ACTA2: variants seen among roughly 807,000 people sequenced by gnomAD.
ACTA2 encodes actin alpha 2, smooth muscle.
Under a neutral mutation model 39.5 loss-of-function variants are expected in ACTA2, and 12 were observed. That is an observed-to-expected ratio of 0.30 (90% CI 0.19 to 0.49). ACTA2 has a LOEUF of 0.49. Ranked by LOEUF, ACTA2 falls within the 20% of genes least tolerant of loss-of-function variation. The probability of loss-of-function intolerance (pLI) is 0.99; values close to 1 mark genes in which losing one functional copy is unlikely to be tolerated. For missense variants in ACTA2, 236 were observed against 498.8 expected, an observed-to-expected ratio of 0.47 and a Z score of 5.02; for synonymous variants, 158 against 180.6, an observed-to-expected ratio of 0.88 and a Z score of 1.00.
chr10:88,966,772 C>A (rs1227965952), intron 1 of ACTA2, among the ~76,000 whole-genome samples: 10 of 151,956 alleles, frequency 6.6e-5, no homozygotes, highest in African/African-American at 2.4e-5. Flanking sequence ...AAAGACGTAA[C>A]CTGCTCAAAT....
chr10:88,969,017 G>A (rs1846374218), intron 1 of ACTA2, among the ~76,000 whole-genome samples: 1 of 152,048 alleles, frequency 6.6e-6, no homozygotes, highest in Non-Finnish European at 1.5e-5. Context: ...ATGTGTTTAG[G>A]TAGAAGATCC....
chr10:88,989,526 A>G (rs1246133566), intron 1 of ACTA2: 1 of 544,038 alleles, frequency 1.8e-6, no homozygotes, highest in Non-Finnish European at 3.6e-6. Context: ...TGGCACTAAC[A>G]GTCTACTGAA....
rs1473725252 is a variant in ACTA2 at position 88,943,854 on chromosome 10, G to A, written c.312C>T (p.Pro104=). ...NELRVAPEEH[P]TLLTEAPLNP... ...TCAGGGGTGCCTCCGTGAGCAGGGT[G>A]GGATGCTCTTCAGGGGCAACACGAA... Residue 104 remains proline, a synonymous_variant, in exon 4 of 9, where the codon CCC becomes CCT. Coordinates refer to ENST00000224784, the MANE Select transcript of ACTA2 (RefSeq NM_001613.4). The A allele has an allele frequency of 1.9e-6, 3 of 1,614,028 alleles. No individual in the cohort carries two copies. The highest frequency in any genetic ancestry group is 1.7e-5 in the Admixed American group (1 of 60,022).
At chr10:88,985,651 C>A (rs1369330278) in intron 1 of ACTA2, among the ~76,000 whole-genome samples, 1 of 152,218 alleles carries the variant, frequency 6.6e-6, no homozygotes, top group African/African-American at 2.4e-5. Context: ...GAGTCCCCCA[C>A]CCCCATCCCA....
chr10:88,965,592 A>G (rs1846304765), intron 1 of ACTA2, among the ~76,000 whole-genome samples: 2 of 152,158 alleles, frequency 1.3e-5, no homozygotes. Flanking sequence ...ATCGACCACC[A>G]AAAGCCAATG....
Position 88,946,141 on chromosome 10 carries a change from G to A in ACTA2, c.258+1117C>T, listed in dbSNP as rs1046415636. Among the ~76,000 whole-genome samples the A allele has an allele frequency of 9.9e-5, 15 of 152,180 alleles. No individual in the cohort carries two copies. In the South Asian group the frequency reaches 3.1e-3, roughly 32 times the overall value. ...AGACAGAGTCTTGCTCTGTTGCCCAGGCTGGAGTGCAACAGCTGATGGTAT... is the reference window on the plus strand; with the variant it reads ...AGACAGAGTCTTGCTCTGTTGCCCAAGCTGGAGTGCAACAGCTGATGGTAT... On this transcript the variant is annotated intron_variant, in intron 3 of 8. Transcript: ENST00000224784.
At chr10:88,955,172 A>G (rs1184442532), upstream of ACTA2, among the ~76,000 whole-genome samples, 2 of 152,226 alleles carry the variant, frequency 1.3e-5, no homozygotes, top group African/African-American at 4.8e-5. Context: ...ATCATGCACC[A>G]TCTTAGTAAG....
rs1589391509 is a variant in ACTA2, at chr10:88,938,154, A to G, written c.897T>C (p.Asn299=). 6.2e-7 allele frequency: 1 copy of G among 1,614,000 alleles called. No homozygotes were observed. The highest frequency in any genetic ancestry group is 8.5e-7 in the Non-Finnish European group (1 of 1,179,938). The change falls in exon 8 of 9, where the codon AAT becomes AAC. Residue 299 remains asparagine, a synonymous_variant. Coordinates refer to ENST00000224784, the MANE Select transcript of ACTA2 (RefSeq NM_001613.4). The part of the protein sequence containing the change: ...IDIRKDLYAN[N]VLSGGTTMYP... ...ACATAGTGGTGCCCCCTGATAGGAC[A>G]TTGTTAGCATAGAGGTCCTTCCTGA...
Position 88,978,227 on chromosome 10 carries a change from T to C in ACTA2, c.-24+12712A>G, listed in dbSNP as rs369460751. 3.4e-3 allele frequency among the ~76,000 whole-genome samples: 425 copies of C among 126,822 alleles called. 6 individuals are homozygous for C. The East Asian group carries it at 0.048, about 14-fold the overall frequency. 83.2% of individuals were successfully genotyped at this position (126,822 alleles called of 152,430 possible). On this transcript the variant is annotated intron_variant, in intron 1 of 4. Coordinates refer to the ACTA2 transcript ENST00000415557. ...GATCACATGGACACTGGAAGGGGAA[T>C]ATCACACTCTGGGGACTGTTGTGGG... is the stretch of plus-strand genomic sequence containing the variant.
chr10:88,941,551 G>A lies in ACTA2; in HGVS notation c.455-161C>T, dbSNP rs41284110. On this transcript the variant is annotated intron_variant, in intron 5 of 8. Coordinates refer to ENST00000224784, the MANE Select transcript of ACTA2 (RefSeq NM_001613.4). The stretch of plus-strand genomic sequence containing the variant: ...GGAGAGGTGAGGTGGGACAGGGCTC[G>A]GGGAAGATGAAAAAAAGTAAAGAAC... 0.033 allele frequency among the ~76,000 whole-genome samples: 4,982 copies of A among 152,086 alleles called. 109 individuals are homozygous for A. Among genetic ancestry groups the A allele is most frequent in the Non-Finnish European group, 0.053 (3,626 of 67,974 alleles).
intron 6 of ACTA2, 180 bp downstream of exon 6, chr10:88,941,049 A>T: frequency 1.4e-6 from 1 of 722,118 alleles, no homozygotes; most frequent in Non-Finnish European, 2.4e-6. Context: ...TCAAGGAAAT[A>T]GTGTAATCAT....
At chr10:88,949,604 G>A (rs1405130769) in intron 1 of ACTA2, among the ~76,000 whole-genome samples, 1 of 152,134 alleles carries the variant, frequency 6.6e-6, no homozygotes, top group Non-Finnish European at 1.5e-5. Flanking sequence ...GTTAATAAAA[G>A]TCACTGTTAA....
At chr10:88,965,852 GACTA>G (rs1318632181) in intron 1 of ACTA2, among the ~76,000 whole-genome samples, 4 of 152,166 alleles carry the variant, frequency 2.6e-5, no homozygotes, top group Non-Finnish European at 5.9e-5. Context: ...TCACCGTAAT[GACTA>G]ACTTTTGAGA....
At position 88,938,139 on chromosome 10, in the gene ACTA2, G is replaced by GC. The variant is rs1227518085; in HGVS notation, c.911dup (p.Thr305HisfsTer62). 6.2e-7 allele frequency: 1 copy of GC among 1,614,044 alleles called. No individual in the cohort carries two copies. The highest frequency in any genetic ancestry group is 8.5e-7 in the Non-Finnish European group (1 of 1,179,948). ...CGGCAATGCCAGGGTACATAGTGGT[G>GC]CCCCCTGATAGGACATTGTTAGCAT... On this transcript the variant is annotated frameshift_variant, in exon 8 of 9. Coordinates refer to ENST00000224784, the MANE Select transcript of ACTA2 (RefSeq NM_001613.4). LOFTEE classifies it high-confidence loss of function.
chr10:88,940,332 C>G (rs989602590), intron 6 of ACTA2: 9 of 158,218 alleles, frequency 5.7e-5, no homozygotes, highest in Admixed American at 5.3e-4. Context: ...CTCTGAAGTT[C>G]TAGGCTATTA....
rs1197682930 is a variant in ACTA2, at chr10:88,968,756, A to T, written c.-23-19803T>A. On this transcript the variant is annotated intron_variant, in intron 1 of 4. Coordinates refer to the ACTA2 transcript ENST00000415557. ...AGGCTCTGCTAAAAATGTTAGAGGC[A>T]GCTGTTGATATAGGCATTTCTGTCC... 3.3e-5 allele frequency among the ~76,000 whole-genome samples: 5 copies of T among 152,324 alleles called. No individual in the cohort carries two copies. In the East Asian group the frequency reaches 9.6e-4, roughly 29 times the overall value.
intron 1 of ACTA2, among the ~76,000 whole-genome samples, chr10:88,964,968 C>G (rs1290567713): frequency 1.3e-5 from 2 of 152,114 alleles, no homozygotes; most frequent in African/African-American, 4.8e-5. Context: ...TTCCTCCTTC[C>G]CCACAACACA....
chr10:88,943,835 G>A lies in ACTA2; in HGVS notation c.331C>T (p.Pro111Ser). ...EEHPTLLTEA[P>S]LNPKANREKM... ...TCCCGGTTGGCCTTGGGGTTCAGGG[G>A]TGCCTCCGTGAGCAGGGTGGGATGC... Residue 111 changes from proline to serine, a missense_variant, in exon 4 of 9, where the codon CCC (proline) becomes TCC (serine). Coordinates refer to ENST00000224784, the MANE Select transcript of ACTA2 (RefSeq NM_001613.4). 1 of 1,614,054 alleles carries A rather than the reference G, an allele frequency of 6.2e-7. No individual in the cohort carries two copies. The highest frequency in any genetic ancestry group is 2.2e-5 in the East Asian group (1 of 44,872).
At chr10:88,966,219 T>C (rs1246950202) in intron 1 of ACTA2, among the ~76,000 whole-genome samples, 5 of 152,108 alleles carry the variant, frequency 3.3e-5, no homozygotes, top group Non-Finnish European at 5.9e-5. Context: ...TACAGAAGAA[T>C]AGTAAGGAAT....
Sources: allele counts gnomAD v4.1 joint callset (sites outside exome capture counted in the v4.1 genomes callset), GRCh38; gene constraint gnomAD v4.1.1; transcripts MANE v1.5; gene names NCBI Gene and HGNC (gene_info 2026-07-23, HGNC 2026-07-21).